KLF15: variants seen among roughly 807,000 people sequenced by gnomAD.
KLF15 encodes the protein KLF transcription factor 15, also known as Krueppel-like factor 15.
KLF15 carries 4 observed loss-of-function variants against 24.6 expected under a neutral mutation model. The ratio of observed to expected loss-of-function variants is 0.16; its 90% CI spans 0.08 to 0.37. The LOEUF is 0.37. Ranked by LOEUF, KLF15 falls within the 10% of genes least tolerant of loss-of-function variation. The pLI is 1.00. For missense variants in KLF15, 496 were observed against 560.6 expected, an observed-to-expected ratio of 0.88 and a Z score of 1.16; for synonymous variants, 246 against 236.3, an observed-to-expected ratio of 1.04 and a Z score of -0.37.
the KLF15 span, among the ~76,000 whole-genome samples, chr3:126,318,341 A>T: frequency 1.3e-5 from 2 of 152,182 alleles, no homozygotes; most frequent in African/African-American, 4.8e-5. Flanking sequence ...CCCAGGGATT[A>T]GCCTGGGGGT....
At chr3:126,294,823 C>T in the KLF15 span, among the ~76,000 whole-genome samples, 1 of 151,242 alleles carries the variant, frequency 6.6e-6, no homozygotes, top group Admixed American at 6.6e-5. Context: ...AGCCTCTCTA[C>T]TTCTAAAGCC....
At position 126,343,380 on chromosome 3, in the gene KLF15, G is replaced by A. The variant is rs1046106606; in HGVS notation, c.*347C>T. On this transcript the variant is annotated 3_prime_UTR_variant, in exon 3 of 3. Coordinates refer to ENST00000296233, the MANE Select transcript of KLF15 (RefSeq NM_014079.4). ...TAAAGTTCTGGCCTTGGCCCAGGATGGGGGAGCCCAGTGGGAGAAGGGCCA... is the reference window on the plus strand; with the variant it reads ...TAAAGTTCTGGCCTTGGCCCAGGATAGGGGAGCCCAGTGGGAGAAGGGCCA... 1 of 297,404 alleles carries A rather than the reference G, an allele frequency of 3.4e-6. No homozygotes were observed. The highest frequency in any genetic ancestry group is 2.2e-5 in the African/African-American group (1 of 44,478). 18.4% of individuals were successfully genotyped at this position (297,404 alleles called of 1,614,324 possible). A position where few individuals can be genotyped will look rare whatever the true frequency, so the allele number is the denominator to read the frequency against.
chr3:126,316,910 C>A, the KLF15 span, among the ~76,000 whole-genome samples: 1 of 152,156 alleles, frequency 6.6e-6, no homozygotes, highest in African/African-American at 2.4e-5. Flanking sequence ...AGAACATGTG[C>A]TCCTGGAAGC....
At chr3:126,309,343 T>C in the KLF15 span, among the ~76,000 whole-genome samples, 1 of 152,110 alleles carries the variant, frequency 6.6e-6, no homozygotes. Flanking sequence ...AATGCGTGCA[T>C]CCTGGAGCTG....
the KLF15 span, among the ~76,000 whole-genome samples, chr3:126,304,905 C>G: frequency 1.3e-5 from 2 of 152,240 alleles, no homozygotes; most frequent in African/African-American, 4.8e-5. Context: ...CACCACTAGT[C>G]ATTCCTTAAC....
chr3:126,321,096 T>C, the KLF15 span, among the ~76,000 whole-genome samples: 1 of 152,080 alleles, frequency 6.6e-6, no homozygotes, highest in Non-Finnish European at 1.5e-5. Flanking sequence ...CCAGGCTCTG[T>C]CTCTGTCCTC....
At position 126,352,757 on chromosome 3, in the gene KLF15, C is replaced by T. The variant is rs147701754; in HGVS notation, c.166G>A (p.Asp56Asn). 3.8e-6 allele frequency: 6 copies of T among 1,572,276 alleles called. No individual in the cohort carries two copies. Among genetic ancestry groups the T allele is most frequent in the Non-Finnish European group, 5.2e-6 (6 of 1,158,548 alleles). ...ASSPCSCSSP[D>N]SQALCSCYGG... ...TAGCAGGAGCAGAGGGCTTGAGAGTCGGGACTGGAACAGGAGCAGGGGCTG... is the reference window on the plus strand; with the variant it reads ...TAGCAGGAGCAGAGGGCTTGAGAGTTGGGACTGGAACAGGAGCAGGGGCTG... Residue 56 changes from aspartate to asparagine, a missense_variant, in exon 2 of 3, where the codon GAC (aspartate) becomes AAC (asparagine). Asp to Asn is a conservative substitution (Grantham distance 23). Around this residue, in one of 3 missense-constraint regions of KLF15, gnomAD observed 399 missense variants for 423.1 expected, o/e 0.94. Coordinates refer to ENST00000296233, the MANE Select transcript of KLF15 (RefSeq NM_014079.4).
chr3:126,321,221 ACC>A, the KLF15 span, among the ~76,000 whole-genome samples: 1 of 151,984 alleles, frequency 6.6e-6, no homozygotes, highest in Non-Finnish European at 1.5e-5. Flanking sequence ...GTCTCTCTAC[ACC>A]CTTTCCCAGC....
chr3:126,293,277 T>G, the KLF15 span, among the ~76,000 whole-genome samples: 1 of 152,058 alleles, frequency 6.6e-6, no homozygotes, highest in Admixed American at 6.6e-5. Context: ...ATTGTGCCAC[T>G]GCACTCTAGC....
chr3:126,345,213 T>G (rs982427751), intron 2 of KLF15, among the ~76,000 whole-genome samples: 17 of 152,220 alleles, frequency 1.1e-4, no homozygotes, highest in Admixed American at 3.3e-4. Context: ...CCTGTGGCAT[T>G]ACACACCTCT....
the KLF15 span, among the ~76,000 whole-genome samples, chr3:126,335,583 G>T: frequency 4.3e-4 from 64 of 147,960 alleles, no homozygotes; most frequent in African/African-American, 1.3e-3. Flanking sequence ...GGGCAATGAG[G>T]CAGGAGAAGG....
chr3:126,304,948 A>G, the KLF15 span, among the ~76,000 whole-genome samples: 6 of 152,356 alleles, frequency 3.9e-5, no homozygotes, highest in East Asian at 1.2e-3. Context: ...ATGGATGTCC[A>G]AGTAGAGTCT....
chr3:126,341,881 C>CTG (rs1034563457), downstream of KLF15, among the ~76,000 whole-genome samples: 48 of 152,240 alleles, frequency 3.2e-4, no homozygotes, highest in Middle Eastern at 6.8e-3. Flanking sequence ...GCAGCCCTCT[C>CTG]TGTGTGTGTG....
At chr3:126,300,257 G>A in the KLF15 span, among the ~76,000 whole-genome samples, 3 of 152,140 alleles carry the variant, frequency 2.0e-5, no homozygotes, top group East Asian at 3.9e-4. Flanking sequence ...ACCCCTGAGC[G>A]GCTTCCTTTC....
the KLF15 span, among the ~76,000 whole-genome samples, chr3:126,299,281 T>C: frequency 2.0e-5 from 3 of 152,012 alleles, no homozygotes; most frequent in Admixed American, 2.0e-4. Flanking sequence ...AGGAATTGAG[T>C]TCTTGATTTG....
chr3:126,356,007 C>G lies in KLF15; in HGVS notation c.-26+1230G>C, dbSNP rs1448581463. ...GACACGCTGTTCCGGGCACAGTCCC[C>G]GGCTGGCCGCCGGACTCCGCCCCCT... On this transcript the variant is annotated intron_variant, in intron 1 of 2. Coordinates refer to ENST00000296233, the MANE Select transcript of KLF15 (RefSeq NM_014079.4). The surrounding 1 kb of genome is among the most constrained non-coding windows in gnomAD (Gnocchi z 4.4). 6.6e-6 allele frequency among the ~76,000 whole-genome samples: 1 copy of G among 152,184 alleles called. No individual in the cohort carries two copies. Among genetic ancestry groups the G allele is most frequent in the Admixed American group, 6.5e-5 (1 of 15,284 alleles).
the KLF15 span, among the ~76,000 whole-genome samples, chr3:126,330,124 A>G: frequency 6.6e-6 from 1 of 152,222 alleles, no homozygotes; most frequent in Non-Finnish European, 1.5e-5. Context: ...GCTATACCCC[A>G]GCTGGCCTGC....
chr3:126,317,856 T>A, the KLF15 span, among the ~76,000 whole-genome samples: 1 of 152,206 alleles, frequency 6.6e-6, no homozygotes, highest in Non-Finnish European at 1.5e-5. Context: ...TCTCACTATG[T>A]CTTCTGTCCC....
chr3:126,346,219 G>A (rs1279044487), intron 2 of KLF15, among the ~76,000 whole-genome samples: 3 of 152,190 alleles, frequency 2.0e-5, no homozygotes, highest in Non-Finnish European at 4.4e-5. Flanking sequence ...CAGCTTCTGA[G>A]CAGAGGAGCT....
Sources: allele counts gnomAD v4.1 joint callset (sites outside exome capture counted in the v4.1 genomes callset), GRCh38; gene constraint gnomAD v4.1.1; regional missense constraint gnomAD v4.1.1; non-coding constraint Gnocchi (gnomAD v3.1); transcripts MANE v1.5; gene names NCBI Gene and HGNC (gene_info 2026-07-23, HGNC 2026-07-21).